Variants in CPAMD8 observed in about 807,000 individuals in gnomAD.
CPAMD8 encodes C3 and PZP-like alpha-2-macroglobulin domain-containing protein 8.
In CPAMD8, 146 loss-of-function variants were observed where a neutral mutation model predicts 224.7. The observed-to-expected ratio is 0.65, with a 90% CI of 0.57 to 0.75. The LOEUF (loss-of-function observed/expected upper bound fraction) is 0.75, where lower values mean the gene tolerates loss of function less well. Among genes scored for constraint, CPAMD8 ranks in the 30% least tolerant of loss-of-function variants. The pLI, the probability that CPAMD8 is intolerant of heterozygous loss-of-function variation, is 0.00. For missense variants in CPAMD8, 2,301 were observed against 2,537.5 expected, an observed-to-expected ratio of 0.91 and a Z score of 2.00; for synonymous variants, 966 against 1,044.6, an observed-to-expected ratio of 0.92 and a Z score of 1.45.
intron 13 of CPAMD8, among the ~76,000 whole-genome samples, chr19:16,983,511 G>A (rs1215176132): frequency 6.6e-6 from 1 of 152,056 alleles, no homozygotes; most frequent in African/African-American, 2.4e-5. Flanking sequence ...AATATACTGA[G>A]TGACAGAGCA....
rs140965867 is a variant in CPAMD8 at position 16,913,031 on chromosome 19, A to G, written c.3861+1393T>C. 2.3e-3 allele frequency among the ~76,000 whole-genome samples: 357 copies of G among 152,352 alleles called. 2 individuals carry two copies. Among genetic ancestry groups the G allele is most frequent in the African/African-American group, 8.0e-3 (334 of 41,576 alleles). On this transcript the variant is annotated intron_variant, in intron 29 of 41. Transcript: ENST00000443236. ...AGGGCCAGAATAAGAATATTTGCAG[A>G]CATGCAACGTCTCAAAAAATGTGCC...
intron 5 of CPAMD8, 160 bp from the exon 6 acceptor site, chr19:17,009,480 G>T: frequency 7.8e-7 from 1 of 1,281,802 alleles, no homozygotes; most frequent in Non-Finnish European, 1.1e-6. Context: ...CCCCAAGTAG[G>T]GTCTTTAGAA....
intron 17 of CPAMD8, among the ~76,000 whole-genome samples, chr19:16,971,492 G>A (rs937317071): frequency 3.9e-5 from 6 of 152,158 alleles, no homozygotes; most frequent in Admixed American, 1.3e-4. Context: ...AAACACAAAA[G>A]GCCATATGTT....
chr19:16,974,587 A>G (rs1271982517), intron 17 of CPAMD8, among the ~76,000 whole-genome samples: 1 of 152,022 alleles, frequency 6.6e-6, no homozygotes, highest in African/African-American at 2.4e-5. Flanking sequence ...GAACCTGACC[A>G]TTGACATGCA....
At chr19:16,960,257 G>A (rs2054608223) in intron 18 of CPAMD8, among the ~76,000 whole-genome samples, 1 of 151,610 alleles carries the variant, frequency 6.6e-6, no homozygotes, top group African/African-American at 2.4e-5. Context: ...AAATAAAAAT[G>A]CTCCTATCCT....
At position 16,899,225 on chromosome 19, in the gene CPAMD8, T is replaced by A. The variant is rs998915273; in HGVS notation, c.4848+250A>T. 6.6e-6 allele frequency among the ~76,000 whole-genome samples: 1 copy of A among 152,126 alleles called. No individual in the cohort carries two copies. Among genetic ancestry groups the A allele is most frequent in the Non-Finnish European group, 1.5e-5 (1 of 68,030 alleles). On this transcript the variant is annotated intron_variant, in intron 37 of 41. Transcript: ENST00000443236. The surrounding 1 kb of genome is among the most constrained non-coding windows in gnomAD (Gnocchi z 5.4). ...CGTAAGCCAAAGGGCCTGGGCACTT[T>A]TTTATATTTTTTGTAAAGATGGGGT...
At chr19:16,894,034 C>T (rs1489030575) in intron 41 of CPAMD8, 4 of 170,164 alleles carry the variant, frequency 2.4e-5, no homozygotes, top group East Asian at 1.5e-4. Context: ...TTTGGCCACA[C>T]GAGTGCTTTC....
At position 16,983,584 on chromosome 19, in the gene CPAMD8, C is replaced by T. The variant is rs146654994; in HGVS notation, c.1396-2898G>A. ...AAAGGAAAAAGAAGAATGTCAAGGT[C>T]GTGAAAGACAAGGAAAGAATAAAAT... On this transcript the variant is annotated intron_variant, in intron 13 of 41. Coordinates refer to ENST00000443236, the MANE Select transcript of CPAMD8 (RefSeq NM_015692.5). Among the ~76,000 whole-genome samples the T allele has an allele frequency of 6.5e-3, 989 of 151,896 alleles. 6 individuals carry two copies. Among genetic ancestry groups the T allele is most frequent in the African/African-American group, 0.023 (937 of 41,424 alleles).
chr19:17,016,496 C>T (rs998982752), intron 3 of CPAMD8, among the ~76,000 whole-genome samples: 3 of 152,152 alleles, frequency 2.0e-5, no homozygotes, highest in South Asian at 4.1e-4. Context: ...TGCAGTGGCT[C>T]ACACCTGTAA....
chr19:16,989,735 C>A lies in CPAMD8; in HGVS notation c.1303G>T (p.Ala435Ser). The A allele has an allele frequency of 6.2e-7, 1 of 1,613,822 alleles. No individual in the cohort carries two copies. The highest frequency in any genetic ancestry group is 8.5e-7 in the Non-Finnish European group (1 of 1,179,804). The change falls in exon 13 of 42, where the codon GCT (alanine) becomes TCT (serine). Residue 435 changes from alanine (A) to serine (S), a missense_variant. By Grantham distance (99) the Ala-to-Ser change is moderately conservative. Coordinates refer to ENST00000443236, the MANE Select transcript of CPAMD8 (RefSeq NM_015692.5). Reference protein sequence around the residue: ...VMALNGKPVGAQYLPSYLSLG... With the variant: ...VMALNGKPVGSQYLPSYLSLG... The stretch of plus-strand genomic sequence containing the variant: ...GAGAGGTAGCTGGGCAGGTACTGAG[C>A]CCCCACAGGCTTCCCGTTCAGTGCC...
intron 3 of CPAMD8, among the ~76,000 whole-genome samples, chr19:17,015,970 C>T (rs8106518): frequency 6.6e-6 from 1 of 152,164 alleles, no homozygotes; most frequent in Non-Finnish European, 1.5e-5. Flanking sequence ...TAAAGACAGG[C>T]TCTTGCTCTG....
intron 18 of CPAMD8, among the ~76,000 whole-genome samples, chr19:16,970,287 A>G (rs1029470955): frequency 2.0e-5 from 3 of 150,296 alleles, no homozygotes; most frequent in African/African-American, 7.3e-5. Context: ...CCTGTTATTT[A>G]GTTAAAATTT....
At chr19:16,944,037 G>A (rs1010545508) in intron 22 of CPAMD8, among the ~76,000 whole-genome samples, 4 of 152,134 alleles carry the variant, frequency 2.6e-5, no homozygotes, top group East Asian at 3.9e-4. Context: ...AAGGCAGAGC[G>A]GTGTCCGTAC....
At chr19:16,982,452 C>T (rs2055547916) in intron 13 of CPAMD8, among the ~76,000 whole-genome samples, 1 of 152,014 alleles carries the variant, frequency 6.6e-6, no homozygotes, top group Non-Finnish European at 1.5e-5. Flanking sequence ...AAATGTCATT[C>T]TACCTCCCCC....
intron 29 of CPAMD8, among the ~76,000 whole-genome samples, chr19:16,908,799 C>T (rs1053168568): frequency 3.9e-5 from 6 of 152,192 alleles, no homozygotes; most frequent in Non-Finnish European, 7.3e-5. Context: ...GGGATGAACC[C>T]GGCTGACTAG....
intron 19 of CPAMD8, among the ~76,000 whole-genome samples, chr19:16,953,534 T>C (rs1447563310): frequency 1.3e-5 from 2 of 151,308 alleles, no homozygotes; most frequent in African/African-American, 4.9e-5. Flanking sequence ...ACCCTATCTT[T>C]ACAAAAAATT....
At chr19:17,016,334 T>C (rs931045926) in intron 3 of CPAMD8, among the ~76,000 whole-genome samples, 1 of 152,204 alleles carries the variant, frequency 6.6e-6, no homozygotes, top group Admixed American at 6.5e-5. Context: ...CCCAGAATTA[T>C]ACAACCCTTT....
rs1264643144 is a variant in CPAMD8 at position 16,898,145 on chromosome 19, T to C, written c.4849-151A>G. ...ATTTTCTTTTTTTCTTTTACTTTTC[T>C]TTTTTTTTTTTTTTCCTGAGACAGA... On this transcript the variant is annotated intron_variant, in intron 37 of 41. Coordinates refer to ENST00000443236, the MANE Select transcript of CPAMD8 (RefSeq NM_015692.5). This position sits in a 1 kb window ranked among gnomAD's most constrained non-coding sequence, Gnocchi z 4.2. 1.2e-5 allele frequency: 2 copies of C among 162,046 alleles called. No individual in the cohort carries two copies. The highest frequency in any genetic ancestry group is 2.4e-5 in the Non-Finnish European group (2 of 83,742). 10.0% of individuals were successfully genotyped at this position (162,046 alleles called of 1,614,324 possible).
intron 14 of CPAMD8, among the ~76,000 whole-genome samples, chr19:16,978,610 T>C (rs2055366576): frequency 6.6e-6 from 1 of 152,170 alleles, no homozygotes. Flanking sequence ...CTGGAGGGGA[T>C]GCTACTGGCT....
Sources: allele counts gnomAD v4.1 joint callset (sites outside exome capture counted in the v4.1 genomes callset), GRCh38; gene constraint gnomAD v4.1.1; non-coding constraint Gnocchi (gnomAD v3.1); transcripts MANE v1.5; gene names NCBI Gene and HGNC (gene_info 2026-07-23, HGNC 2026-07-21).